BCL7A: variants seen among roughly 807,000 people sequenced by gnomAD.
BCL7A encodes BAF chromatin remodeling complex subunit BCL7A.
A neutral mutation model predicts 28.4 loss-of-function variants in BCL7A; 11 were observed. That is an observed-to-expected ratio of 0.39 (90% CI 0.24 to 0.64). The LOEUF is 0.64. Ranked by LOEUF, BCL7A falls within the 30% of genes least tolerant of loss-of-function variation. The probability of loss-of-function intolerance (pLI) is 0.50; values close to 1 mark genes in which losing one functional copy is unlikely to be tolerated. For missense variants in BCL7A, 222 were observed against 274.8 expected, an observed-to-expected ratio of 0.81 and a Z score of 1.36; for synonymous variants, 123 against 103.3, an observed-to-expected ratio of 1.19 and a Z score of -1.15.
intron 4 of BCL7A, among the ~76,000 whole-genome samples, chr12:122,049,032 A>AT (rs1565941491): frequency 0.068 from 5,086 of 75,264 alleles, 85 homozygotes; most frequent in Middle Eastern, 0.12. Context: ...AAAAAAAAAA[A>AT]AAAATATATA....
rs1398724841 is a variant in BCL7A, at chr12:122,060,940, A to C, written c.*1777A>C. On this transcript the variant is annotated 3_prime_UTR_variant, in exon 6 of 6. Transcript: ENST00000261822. ...TGAAAATCTTAATGTTGAAGTTAGC[A>C]ATGCCGAAAGGTTTCTGTCTTAAAA... is the stretch of plus-strand genomic sequence containing the variant. 4.4e-6 allele frequency: 1 copy of C among 226,532 alleles called. No homozygotes were observed. Among genetic ancestry groups the C allele is most frequent in the African/African-American group, 2.2e-5 (1 of 44,830 alleles). 14.0% of individuals were successfully genotyped at this position (226,532 alleles called of 1,614,324 possible).
chr12:122,045,420 C>T (rs958906208), intron 4 of BCL7A, among the ~76,000 whole-genome samples: 1 of 151,994 alleles, frequency 6.6e-6, no homozygotes, highest in Non-Finnish European at 1.5e-5. Context: ...CGGGGTCAGA[C>T]AGCAGGCAGC....
intron 4 of BCL7A, chr12:122,044,346 C>CAAAA: frequency 9.2e-6 from 2 of 218,436 alleles, no homozygotes; most frequent in Non-Finnish European, 1.7e-5. Flanking sequence ...TCATCTCTAC[C>CAAAA]AAAAAAAAAA....
intron 1 of BCL7A, among the ~76,000 whole-genome samples, 169 bp downstream of exon 1, chr12:122,022,352 G>C (rs1339905612): frequency 1.4e-5 from 2 of 144,008 alleles, no homozygotes; most frequent in Non-Finnish European, 3.1e-5. Flanking sequence ...CGCGAGCCGG[G>C]TCACCTGCGC....
At chr12:122,031,862 T>C (rs950609550) in intron 2 of BCL7A, among the ~76,000 whole-genome samples, 4 of 152,168 alleles carry the variant, frequency 2.6e-5, no homozygotes, top group Non-Finnish European at 4.4e-5. Context: ...AACTTCGTGG[T>C]TCCCAGGCCA....
rs372126685 is a variant in BCL7A at position 122,054,145 on chromosome 12, C to T, written c.440-660C>T. Among the ~76,000 whole-genome samples, 10 of 152,274 alleles carry T rather than the reference C, an allele frequency of 6.6e-5. No homozygotes were observed. The East Asian group carries it at 1.7e-3, about 26-fold the overall frequency. On this transcript the variant is annotated intron_variant, in intron 4 of 5. Coordinates refer to ENST00000261822, the MANE Select transcript of BCL7A (RefSeq NM_001024808.3). ...TGTCACCCAAGCTTTAGTGCAGTGGCGCGATCTCGGCTCACTGCAACCTCC... is the reference window on the plus strand; with the variant it reads ...TGTCACCCAAGCTTTAGTGCAGTGGTGCGATCTCGGCTCACTGCAACCTCC...
chr12:122,047,083 T>C lies in BCL7A; in HGVS notation c.439+3030T>C, dbSNP rs111764421. On this transcript the variant is annotated intron_variant, in intron 4 of 5. Coordinates refer to ENST00000261822, the MANE Select transcript of BCL7A (RefSeq NM_001024808.3). ...CACGCCCGGCTAATTTTTGTATTTT[T>C]AGTAGAGATGGGGTTTCACCATGTT... is the stretch of plus-strand genomic sequence containing the variant. Among the ~76,000 whole-genome samples the C allele has an allele frequency of 7.1e-3, 1,081 of 151,900 alleles. 11 individuals are homozygous for C. The highest frequency in any genetic ancestry group is 0.024 in the African/African-American group (1,013 of 41,474).
At chr12:122,045,368 A>G (rs1463457361) in intron 4 of BCL7A, among the ~76,000 whole-genome samples, 1 of 152,142 alleles carries the variant, frequency 6.6e-6, no homozygotes, top group Non-Finnish European at 1.5e-5. Flanking sequence ...GCGATAGAGC[A>G]AGACTCTGTC....
At chr12:122,038,207 G>A (rs1446316087) in intron 3 of BCL7A, among the ~76,000 whole-genome samples, 1 of 151,840 alleles carries the variant, frequency 6.6e-6, no homozygotes, top group Admixed American at 6.6e-5. Flanking sequence ...TGGTGTGGGC[G>A]GGTCACTTGA....
intron 5 of BCL7A, among the ~76,000 whole-genome samples, chr12:122,058,532 G>A (rs1193814759): frequency 6.6e-6 from 1 of 152,100 alleles, no homozygotes. Flanking sequence ...GGTGGCGCGT[G>A]CCTGTAATCA....
At chr12:122,034,592 C>T (rs999927612) in intron 2 of BCL7A, among the ~76,000 whole-genome samples, 7 of 151,490 alleles carry the variant, frequency 4.6e-5, no homozygotes, top group South Asian at 4.2e-4. Flanking sequence ...AAAAATTAGC[C>T]GGGTGTGGTG....
intron 2 of BCL7A, among the ~76,000 whole-genome samples, chr12:122,033,545 A>G (rs1024880660): frequency 5.9e-5 from 9 of 151,948 alleles, no homozygotes; most frequent in Admixed American, 1.3e-4. Context: ...AGTTCTTGAC[A>G]TCATGATCCG....
At chr12:122,054,768 T>C in intron 4 of BCL7A, 37 bp from the exon 5 acceptor site, 1 of 1,602,800 alleles carries the variant, frequency 6.2e-7, no homozygotes, top group Non-Finnish European at 8.5e-7. Flanking sequence ...CTCTCACGTG[T>C]CTGAAAACAG....
intron 4 of BCL7A, among the ~76,000 whole-genome samples, chr12:122,050,082 T>C (rs1884158900): frequency 6.6e-6 from 1 of 152,200 alleles, no homozygotes; most frequent in Non-Finnish European, 1.5e-5. Flanking sequence ...GTTCAACTGA[T>C]TCTTCTGCCT....
In BCL7A at chr12:122,029,227, C is replaced by T. The variant is rs927887059; in HGVS notation, c.93-1473C>T. On this transcript the variant is annotated intron_variant, in intron 1 of 5. Transcript: ENST00000261822. This position sits in a 1 kb window ranked among gnomAD's most constrained non-coding sequence, Gnocchi z 4.3. ...ACATAGAAGGCGCTAGGAATGGCCA[C>T]TGGTATAATAAGAAAAGCCGGGCCG... Among the ~76,000 whole-genome samples, 3 of 152,142 alleles carry T rather than the reference C, an allele frequency of 2.0e-5. No homozygotes were observed. Among genetic ancestry groups the T allele is most frequent in the African/African-American group, 7.2e-5 (3 of 41,430 alleles).
At chr12:122,031,229 G>A (rs7964912) in intron 2 of BCL7A, among the ~76,000 whole-genome samples, 22,530 of 152,046 alleles carry the variant, frequency 0.15, 4,106 homozygotes, top group African/African-American at 0.43. Flanking sequence ...CAGTTTCACC[G>A]TGTTGGCCAG....
chr12:122,046,744 C>T (rs1253989482), intron 4 of BCL7A, among the ~76,000 whole-genome samples: 2 of 152,092 alleles, frequency 1.3e-5, no homozygotes, highest in East Asian at 1.9e-4. Context: ...TTGACAATAC[C>T]GGGCCTGCTC....
At chr12:122,049,071 A>C (rs12308923) in intron 4 of BCL7A, among the ~76,000 whole-genome samples, 5,072 of 143,044 alleles carry the variant, frequency 0.035, 214 homozygotes, top group African/African-American at 0.092. Context: ...CACACACACA[A>C]AAAAAAATAC....
At chr12:122,022,367 C>G (rs2135833078) in intron 1 of BCL7A, among the ~76,000 whole-genome samples, 184 bp downstream of exon 1, 1 of 143,672 alleles carries the variant, frequency 7.0e-6, no homozygotes, top group East Asian at 2.1e-4. Context: ...CTGCGCCAGG[C>G]TGGGGCCGCG....
Sources: gnomAD v4.1 joint callset for allele counts (sites outside exome capture counted in the v4.1 genomes callset) on GRCh38, gnomAD v4.1.1 for gene constraint, Gnocchi (gnomAD v3.1) non-coding constraint, MANE v1.5 for transcripts, NCBI Gene and HGNC (gene_info 2026-07-23, HGNC 2026-07-21) for gene names.